The following CALD1 variants were observed in gnomAD, a reference collection of about 807,000 sequenced individuals.
CALD1 encodes the protein caldesmon.
In CALD1, 33 loss-of-function variants were observed where a neutral mutation model predicts 99.9. That is an observed-to-expected ratio of 0.33 (90% CI 0.25 to 0.44). CALD1 has a LOEUF of 0.44. Among genes scored for constraint, CALD1 ranks in the 20% least tolerant of loss-of-function variants. The pLI is 1.00. For missense variants in CALD1, 861 were observed against 962.1 expected (o/e 0.89, Z 1.39); for synonymous variants, 310 against 325.0 (o/e 0.95, Z 0.50).
chr7:134,820,902 T>G (rs933169717), intron 1 of CALD1, among the ~76,000 whole-genome samples: 1 of 152,152 alleles, frequency 6.6e-6, no homozygotes, highest in Admixed American at 6.5e-5. Context: ...AAGGGATACA[T>G]TCCTTAGAAA....
intron 6 of CALD1, among the ~76,000 whole-genome samples, chr7:134,937,414 C>T (rs1306689234): frequency 6.6e-6 from 1 of 152,104 alleles, no homozygotes; most frequent in East Asian, 1.9e-4. Flanking sequence ...TTGTTTTTGA[C>T]ACAAGGCCAG....
intron 3 of CALD1, among the ~76,000 whole-genome samples, chr7:134,879,730 A>G (rs997785154): frequency 6.6e-6 from 1 of 152,222 alleles, no homozygotes; most frequent in African/African-American, 2.4e-5. Flanking sequence ...ACATTTTTCA[A>G]AATTAAATTT....
At chr7:134,763,590 G>A (rs1796797210) in intron 1 of CALD1, among the ~76,000 whole-genome samples, 1 of 152,136 alleles carries the variant, frequency 6.6e-6, no homozygotes, top group South Asian at 2.1e-4. Flanking sequence ...GAGAAGACTT[G>A]TTATAAATGG....
At chr7:134,824,195 T>G (rs541968827) in intron 1 of CALD1, among the ~76,000 whole-genome samples, 1 of 152,298 alleles carries the variant, frequency 6.6e-6, no homozygotes, top group Non-Finnish European at 1.5e-5. Flanking sequence ...TTGTTTGGGG[T>G]GGCAATTTGC....
At chr7:134,842,869 T>C (rs1484800645) in intron 1 of CALD1, among the ~76,000 whole-genome samples, 1 of 152,190 alleles carries the variant, frequency 6.6e-6, no homozygotes, top group Non-Finnish European at 1.5e-5. Context: ...TCACTATTCT[T>C]AGGGGACTAG....
the CALD1 span, among the ~76,000 whole-genome samples, chr7:134,737,248 C>T: frequency 1.3e-5 from 2 of 152,116 alleles, no homozygotes; most frequent in South Asian, 4.1e-4. Context: ...CCTCAGCCTC[C>T]TGAGTAGCTA....
intron 7 of CALD1, 46 bp downstream of exon 7, chr7:134,941,283 G>GAAAA: frequency 4.6e-6 from 5 of 1,079,912 alleles, no homozygotes; most frequent in East Asian, 2.9e-5. Context: ...CACATGCAAA[G>GAAAA]AAAAAAAAAA....
chr7:134,894,523 C>T (rs931692581), intron 3 of CALD1, among the ~76,000 whole-genome samples: 6 of 152,164 alleles, frequency 3.9e-5, no homozygotes, highest in East Asian at 1.9e-4. Flanking sequence ...CTTTGCTAGA[C>T]GTACTAGGTT....
At chr7:134,833,133 CA>C (rs1799298077) in intron 1 of CALD1, among the ~76,000 whole-genome samples, 1 of 152,156 alleles carries the variant, frequency 6.6e-6, no homozygotes, top group African/African-American at 2.4e-5. Context: ...TGGCAACTGC[CA>C]AAAATTTTTA....
At chr7:134,952,473 C>CTTTTTT (rs747660510) in intron 9 of CALD1, among the ~76,000 whole-genome samples, 2 of 140,940 alleles carry the variant, frequency 1.4e-5, no homozygotes. Context: ...TTCCCTTAGT[C>CTTTTTT]TTTTTTTTTT....
At chr7:134,908,178 C>T (rs988820521) in intron 3 of CALD1, among the ~76,000 whole-genome samples, 3 of 151,716 alleles carry the variant, frequency 2.0e-5, no homozygotes, top group African/African-American at 4.8e-5. Flanking sequence ...GGTCACCAGG[C>T]GATGAAGGTG....
chr7:134,966,610 C>T (rs866475303), intron 14 of CALD1, among the ~76,000 whole-genome samples: 62 of 152,278 alleles, frequency 4.1e-4, no homozygotes, highest in Middle Eastern at 3.4e-3. Flanking sequence ...CAAAGTCACA[C>T]AGTGAATAAG....
intron 12 of CALD1, 157 bp from the exon 13 acceptor site, chr7:134,960,376 G>A: frequency 1.5e-6 from 1 of 652,598 alleles, no homozygotes; most frequent in Non-Finnish European, 2.7e-6. Context: ...AGTTACCAGG[G>A]AAAGAAAACC....
the CALD1 span, among the ~76,000 whole-genome samples, chr7:134,712,038 G>GGAGGGA: frequency 0.024 from 1,314 of 54,784 alleles, 32 homozygotes; most frequent in African/African-American, 0.19. Flanking sequence ...AGGGAGGGAA[G>GGAGGGA]GAGGGAGAGA....
At chr7:134,774,078 G>A (rs1796898832) in intron 1 of CALD1, among the ~76,000 whole-genome samples, 2 of 151,902 alleles carry the variant, frequency 1.3e-5, no homozygotes, top group African/African-American at 2.4e-5. Context: ...GGTGAGGCAG[G>A]AGAATTGATT....
intron 1 of CALD1, among the ~76,000 whole-genome samples, chr7:134,769,677 C>T (rs1356691051): frequency 2.6e-5 from 4 of 152,062 alleles, no homozygotes; most frequent in Non-Finnish European, 5.9e-5. Flanking sequence ...GTTGCCCAGA[C>T]TAGAGTGCAG....
At chr7:134,803,250 T>TAGG (rs537326417) in intron 1 of CALD1, among the ~76,000 whole-genome samples, 44 of 152,192 alleles carry the variant, frequency 2.9e-4, no homozygotes, top group Non-Finnish European at 5.3e-4. Flanking sequence ...TATTATTTTG[T>TAGG]AGGAGCTCAT....
chr7:134,767,895 T>A (rs1796841035), intron 1 of CALD1, among the ~76,000 whole-genome samples: 1 of 152,218 alleles, frequency 6.6e-6, no homozygotes, highest in African/African-American at 2.4e-5. Flanking sequence ...GATGCTCAGA[T>A]GTTGAGTGAA....
chr7:134,788,780 C>T (rs916097796), intron 1 of CALD1, among the ~76,000 whole-genome samples: 1 of 151,948 alleles, frequency 6.6e-6, no homozygotes, highest in African/African-American at 2.4e-5. Flanking sequence ...TTTGGGTGGC[C>T]AAGGCAGGCA....
Sources: allele counts gnomAD v4.1 joint callset (sites outside exome capture counted in the v4.1 genomes callset), GRCh38; gene constraint gnomAD v4.1.1; transcripts MANE v1.5; gene names NCBI Gene and HGNC (gene_info 2026-07-23, HGNC 2026-07-21).